CD2AP: variants seen among roughly 807,000 people sequenced by gnomAD.
CD2AP encodes CD2-associated protein.
In CD2AP, 46 loss-of-function variants were observed where a neutral mutation model predicts 85.1. The observed-to-expected ratio is 0.54, with a 90% CI of 0.43 to 0.69. The LOEUF (loss-of-function observed/expected upper bound fraction) is 0.69, where lower values mean the gene tolerates loss of function less well. Ranked by LOEUF, CD2AP falls within the 30% of genes least tolerant of loss-of-function variation. The pLI, the probability that CD2AP is intolerant of heterozygous loss-of-function variation, is 0.00. For missense variants in CD2AP, 769 were observed against 729.5 expected (o/e 1.05, Z -0.62); for synonymous variants, 255 against 252.9 (o/e 1.01, Z -0.08).
At chr6:47,544,456 C>A in intron 3 of CD2AP, 150 bp from the exon 4 acceptor site, 2 of 603,070 alleles carry the variant, frequency 3.3e-6, no homozygotes, top group Non-Finnish European at 5.8e-6. Flanking sequence ...AAAAGCTAAC[C>A]AGGGCTGATT....
intron 1 of CD2AP, among the ~76,000 whole-genome samples, chr6:47,481,763 T>G (rs1219827246): frequency 6.6e-6 from 1 of 152,172 alleles, no homozygotes; most frequent in East Asian, 1.9e-4. Flanking sequence ...TTTTAAAAAT[T>G]TTTATTTATA....
At chr6:47,606,878 GT>G (rs1275671004) in intron 14 of CD2AP, among the ~76,000 whole-genome samples, 3 of 151,862 alleles carry the variant, frequency 2.0e-5, no homozygotes, top group African/African-American at 4.8e-5. Context: ...TTGACTAGTA[GT>G]TACCCTGATG....
chr6:47,608,818 G>C (rs1329746530), intron 15 of CD2AP, among the ~76,000 whole-genome samples: 1 of 152,066 alleles, frequency 6.6e-6, no homozygotes, highest in Admixed American at 6.5e-5. Flanking sequence ...CCTTTATAAT[G>C]CTGTTACATT....
intron 13 of CD2AP, among the ~76,000 whole-genome samples, chr6:47,605,434 C>T (rs1168299714): frequency 6.6e-6 from 1 of 151,724 alleles, no homozygotes; most frequent in Non-Finnish European, 1.5e-5. Context: ...ACCCAAGTTA[C>T]CAGGTCAGAG....
chr6:47,530,719 T>C (rs2114021316), intron 2 of CD2AP, among the ~76,000 whole-genome samples: 1 of 152,336 alleles, frequency 6.6e-6, no homozygotes, highest in South Asian at 2.1e-4. Context: ...TATGCCTAGC[T>C]GCTGCCTGGT....
At chr6:47,491,306 A>G (rs1205877300) in intron 1 of CD2AP, among the ~76,000 whole-genome samples, 2 of 150,286 alleles carry the variant, frequency 1.3e-5, no homozygotes, top group African/African-American at 4.9e-5. Flanking sequence ...TGTGTGTGTA[A>G]TATATATAAA....
At chr6:47,529,334 C>T (rs563798824) in intron 2 of CD2AP, among the ~76,000 whole-genome samples, 25 of 152,086 alleles carry the variant, frequency 1.6e-4, no homozygotes, top group Non-Finnish European at 3.2e-4. Flanking sequence ...GTGGAGTTTG[C>T]ATATTCTCAT....
rs1284564420 is a variant in CD2AP, at chr6:47,514,737, T to G, written c.165+11297T>G. On this transcript the variant is annotated intron_variant, in intron 2 of 17. Coordinates refer to ENST00000359314, the MANE Select transcript of CD2AP (RefSeq NM_012120.3). ...AGGTGTTACAGAATCTTTGAAAAAA[T>G]GTCTTTCAGAAAGGGGATTAAAAGT... is the stretch of plus-strand genomic sequence containing the variant. Among the ~76,000 whole-genome samples the G allele has an allele frequency of 5.3e-5, 8 of 152,018 alleles. 1 individual carries two copies. The highest frequency in any genetic ancestry group is 1.5e-5 in the Non-Finnish European group (1 of 68,016).
At chr6:47,544,420 A>C (rs1257952260) in intron 3 of CD2AP, among the ~76,000 whole-genome samples, 186 bp from the exon 4 acceptor site, 1 of 152,260 alleles carries the variant, frequency 6.6e-6, no homozygotes, top group African/African-American at 2.4e-5. Flanking sequence ...TGAAGCCTTA[A>C]TATTTGTAGT....
At chr6:47,566,393 TTGA>T (rs1354537359) in intron 5 of CD2AP, among the ~76,000 whole-genome samples, 1 of 151,114 alleles carries the variant, frequency 6.6e-6, no homozygotes, top group Non-Finnish European at 1.5e-5. Flanking sequence ...CTCTGATATG[TTGA>T]TGCTCAGTGA....
chr6:47,573,804 G>A (rs1393010354), intron 5 of CD2AP, among the ~76,000 whole-genome samples: 2 of 151,834 alleles, frequency 1.3e-5, no homozygotes, highest in South Asian at 2.1e-4. Flanking sequence ...TAAGGACCTC[G>A]TATGACATGA....
At chr6:47,544,941 AG>A (rs1347540520) in intron 4 of CD2AP, 4 of 406,434 alleles carry the variant, frequency 9.8e-6, no homozygotes, top group African/African-American at 2.0e-5. Context: ...TAAGTAGTTA[AG>A]AACGTAAACA....
At chr6:47,589,919 T>A (rs1768746885) in intron 11 of CD2AP, among the ~76,000 whole-genome samples, 1 of 152,160 alleles carries the variant, frequency 6.6e-6, no homozygotes, top group Admixed American at 6.6e-5. Flanking sequence ...GTTCAACTTC[T>A]AATAATCTCA....
At chr6:47,594,221 A>G (rs902950774) in intron 11 of CD2AP, among the ~76,000 whole-genome samples, 3 of 152,176 alleles carry the variant, frequency 2.0e-5, no homozygotes, top group Non-Finnish European at 2.9e-5. Flanking sequence ...TCGTGAATGT[A>G]CTAAATGGCA....
At chr6:47,486,775 C>A (rs533803713) in intron 1 of CD2AP, among the ~76,000 whole-genome samples, 57 of 152,254 alleles carry the variant, frequency 3.7e-4, no homozygotes, top group Admixed American at 3.3e-3. Context: ...TTAAAAATGT[C>A]ATTCCTGGAG....
intron 11 of CD2AP, 50 bp from the exon 12 acceptor site, chr6:47,595,811 A>G (rs757131000): frequency 1.3e-6 from 2 of 1,534,236 alleles, no homozygotes; most frequent in Non-Finnish European, 9.0e-7. Flanking sequence ...AAATAGAAAA[A>G]CCTAAATAAT....
At chr6:47,552,372 C>T (rs1255396683) in intron 4 of CD2AP, among the ~76,000 whole-genome samples, 1 of 151,962 alleles carries the variant, frequency 6.6e-6, no homozygotes, top group African/African-American at 2.4e-5. Flanking sequence ...GCTTAGCTCC[C>T]ACATATGAGT....
chr6:47,512,663 A>G (rs1425312851), intron 2 of CD2AP, among the ~76,000 whole-genome samples: 1 of 152,216 alleles, frequency 6.6e-6, no homozygotes, highest in Non-Finnish European at 1.5e-5. Context: ...GGATCTATGA[A>G]CTTAATGTAC....
chr6:47,532,129 T>C (rs1437835468), intron 2 of CD2AP, among the ~76,000 whole-genome samples: 1 of 152,076 alleles, frequency 6.6e-6, no homozygotes, highest in African/African-American at 2.4e-5. Flanking sequence ...GTAATACTTT[T>C]ATAATCATAA....
Sources: allele counts gnomAD v4.1 joint callset (sites outside exome capture counted in the v4.1 genomes callset), GRCh38; gene constraint gnomAD v4.1.1; transcripts MANE v1.5; gene names NCBI Gene and HGNC (gene_info 2026-07-23, HGNC 2026-07-21).